The following SUN5 variants were observed in gnomAD, a reference collection of about 807,000 sequenced individuals.
SUN5 encodes the protein Sad1 and UNC84 domain containing 5.
Under a neutral mutation model 53.7 loss-of-function variants are expected in SUN5, and 44 were observed. The observed-to-expected ratio is 0.82, with a 90% CI of 0.64 to 1.05. The LOEUF (loss-of-function observed/expected upper bound fraction) is 1.05, where lower values mean the gene tolerates loss of function less well. SUN5 is among the 50% of genes least tolerant of loss of function. The pLI is 0.00. For synonymous variants in SUN5, 166 were observed against 179.8 expected, an observed-to-expected ratio of 0.92 and a Z score of 0.62; for missense variants, 433 against 483.8, an observed-to-expected ratio of 0.90 and a Z score of 0.98.
rs1289768378 is a variant in SUN5 at position 33,000,064 on chromosome 20, T to TG, written c.340+9dup. 6.2e-7 allele frequency: 1 copy of TG among 1,607,902 alleles called. No individual in the cohort carries two copies. The highest frequency in any genetic ancestry group is 1.1e-5 in the South Asian group (1 of 88,850). ...CTCCACCTGGGACTGGGCAGGGCCCTGGGACACACCGAAAGCACAGAGGAG... is the reference window on the plus strand; with the variant it reads ...CTCCACCTGGGACTGGGCAGGGCCCTGGGGACACACCGAAAGCACAGAGGAG... On this transcript the variant is annotated intron_variant, in intron 5 of 12. Transcript: ENST00000356173.
rs1442521319 is a variant in SUN5, at chr20:33,004,343, A to T, written c.-3T>A. ...GGGCTCCTTGAGGACCGTGGCATCG[A>T]TTTCCTTCTTTAGGATTGGGGATGG... is the stretch of plus-strand genomic sequence containing the variant. On this transcript the variant is annotated 5_prime_UTR_variant, in exon 1 of 13. Coordinates refer to ENST00000356173, the MANE Select transcript of SUN5 (RefSeq NM_080675.4). 2.1e-5 allele frequency: 33 copies of T among 1,557,342 alleles called. No individual in the cohort carries two copies. Among genetic ancestry groups the T allele is most frequent in the African/African-American group, 2.7e-5 (2 of 73,402 alleles).
intron 8 of SUN5, 29 bp downstream of exon 8, chr20:32,995,590 T>C (rs368259552): frequency 3.2e-6 from 5 of 1,581,734 alleles, no homozygotes; most frequent in South Asian, 2.2e-5. Context: ...AGAAATTAGA[T>C]GTTTGGGGCA....
Position 32,987,553 on chromosome 20 carries a change from C to A in SUN5, c.729+107G>T. The A allele has an allele frequency of 2.1e-5, 16 of 749,326 alleles. No individual in the cohort carries two copies. In the South Asian group the frequency reaches 2.3e-4, roughly 11 times the overall value. The allele number at this position is 749,326 out of a possible 1,614,324, so 46.4% of individuals were successfully genotyped here. ...CTCCTACCTCTAACCCCGCCCCTGC[C>A]CCCACTCCCTTTGCTCCCACCCCCT... On this transcript the variant is annotated intron_variant, in intron 10 of 12. Transcript: ENST00000356173.
At chr20:32,995,547 C>T in intron 8 of SUN5, 72 bp downstream of exon 8, 4 of 1,324,248 alleles carry the variant, frequency 3.0e-6, no homozygotes, top group Middle Eastern at 1.8e-4. Flanking sequence ...AGAAAGAACA[C>T]TTGAGGTATA....
In SUN5 at chr20:33,001,232, C is replaced by G. The variant is rs781211808; in HGVS notation, c.258G>C (p.Gln86His). The G allele has an allele frequency of 6.3e-7, 1 of 1,576,672 alleles. No individual in the cohort carries two copies. The highest frequency in any genetic ancestry group is 1.2e-5 in the South Asian group (1 of 86,148). ...CTCACCTGCACGTGTTAAACAGAAC[C>G]TGCTGGGCCTGAGTTCTCAGGGAGC... is the stretch of plus-strand genomic sequence containing the variant. The part of the protein sequence containing the change: ...FACSLRTQAQ[Q>H]VLFNTCRCKL... The change falls in exon 4 of 13, where the codon CAG (glutamine) becomes CAC (histidine). Residue 86 changes from glutamine to histidine, a missense_variant. Transcript: ENST00000356173.
intron 8 of SUN5, among the ~76,000 whole-genome samples, chr20:32,992,663 C>T (rs1383029604): frequency 6.6e-6 from 1 of 152,140 alleles, no homozygotes; most frequent in Non-Finnish European, 1.5e-5. Flanking sequence ...CACGCTATAG[C>T]CTGGGAGGAG....
intron 5 of SUN5, chr20:32,999,799 G>T (rs1310187576): frequency 2.1e-6 from 2 of 960,868 alleles, no homozygotes; most frequent in African/African-American, 3.3e-5. Flanking sequence ...CGAGGTGGGG[G>T]TGGTGGCTGG....
Position 33,004,312 on chromosome 20 carries a change from T to C in SUN5, c.29A>G (p.Asp10Gly). The C allele has an allele frequency of 6.4e-7, 1 of 1,573,914 alleles. No homozygotes were observed. The highest frequency in any genetic ancestry group is 8.6e-7 in the Non-Finnish European group (1 of 1,159,338). Residue 10 changes from aspartate (D) to glycine (G), a missense_variant, in exon 1 of 13, where the codon GAC becomes GGC. Transcript: ENST00000356173. ...CACATCTTCGAGTAGGGCGCCTGGGTCCCCAGGGCTCCTTGAGGACCGTGG... is the reference window on the plus strand; with the variant it reads ...CACATCTTCGAGTAGGGCGCCTGGGCCCCCAGGGCTCCTTGAGGACCGTGG... MPRSSRSPG[D>G]PGALLEDVAH...
At chr20:33,003,385 G>C (rs567307333) in intron 1 of SUN5, among the ~76,000 whole-genome samples, 1 of 152,080 alleles carries the variant, frequency 6.6e-6, no homozygotes, top group African/African-American at 2.4e-5. Context: ...CACAGAAAAC[G>C]ATGCTTATTC....
intron 8 of SUN5, 105 bp from the exon 9 acceptor site, chr20:32,989,803 C>T: frequency 2.2e-6 from 2 of 920,990 alleles, no homozygotes; most frequent in South Asian, 1.4e-5. Context: ...CTGTCCTCTC[C>T]CTAACAGCCC....
At chr20:32,986,245 A>G (rs1989536563) in intron 10 of SUN5, among the ~76,000 whole-genome samples, 1 of 152,108 alleles carries the variant, frequency 6.6e-6, no homozygotes, top group South Asian at 2.1e-4. Context: ...CAATCACCCC[A>G]TGACTTAGGC....
intron 3 of SUN5, 116 bp downstream of exon 3, chr20:33,002,471 C>T: frequency 3.1e-6 from 3 of 959,884 alleles, no homozygotes; most frequent in Non-Finnish European, 5.0e-6. Context: ...TGCAGCTCCC[C>T]ACCACCCCTG....
rs777969871 is a variant in SUN5 at position 33,002,970 on chromosome 20, T to C, written c.78-51A>G. ...CATTTTACAATTATGAGGAACATAG[T>C]GTCCTTGGAATGTGCATACCACGTT... On this transcript the variant is annotated intron_variant, in intron 1 of 12. Transcript: ENST00000356173. 8 of 1,604,270 alleles carry C rather than the reference T, an allele frequency of 5.0e-6. No homozygotes were observed. The South Asian group carries it at 7.8e-5, about 16-fold the overall frequency.
At position 32,997,635 on chromosome 20, in the gene SUN5, C is replaced by T; in HGVS notation, c.390+3G>A. The T allele has an allele frequency of 6.2e-7, 1 of 1,613,984 alleles. No individual in the cohort carries two copies. The highest frequency in any genetic ancestry group is 8.5e-7 in the Non-Finnish European group (1 of 1,179,978). On this transcript the variant is annotated splice_donor_region_variant and intron_variant, in intron 6 of 12. Coordinates refer to ENST00000356173, the MANE Select transcript of SUN5 (RefSeq NM_080675.4). ...GTGGGGCCTGAGGAGGGTGCACACT[C>T]ACCTGCCAGACTTTCATTTTCGATG...
chr20:33,002,858 C>T lies in SUN5; in HGVS notation c.136+3G>A, dbSNP rs923390880. 1 of 1,613,986 alleles carries T rather than the reference C, an allele frequency of 6.2e-7. No homozygotes were observed. The highest frequency in any genetic ancestry group is 1.3e-5 in the African/African-American group (1 of 74,944). On this transcript the variant is annotated splice_donor_region_variant and intron_variant, in intron 2 of 12. Coordinates refer to ENST00000356173, the MANE Select transcript of SUN5 (RefSeq NM_080675.4). ...AAATACCAGGGCACCTGTCCTTGCT[C>T]ACTCATGTTTGGGGAGGTGTCCTCT...
intron 8 of SUN5, among the ~76,000 whole-genome samples, chr20:32,993,425 T>A (rs1989757763): frequency 6.6e-6 from 1 of 152,194 alleles, no homozygotes; most frequent in South Asian, 2.1e-4. Flanking sequence ...GGCCAGACAA[T>A]GGGCTGCTGC....
intron 5 of SUN5, among the ~76,000 whole-genome samples, chr20:32,998,791 C>T (rs1003465295): frequency 6.6e-6 from 1 of 150,734 alleles, no homozygotes; most frequent in Non-Finnish European, 1.5e-5. Context: ...GGCTGAGATA[C>T]GATGGTTTGA....
rs6141862 is a variant in SUN5, at chr20:32,996,372, G to A, written c.391-14C>T. On this transcript the variant is annotated splice_polypyrimidine_tract_variant and intron_variant, in intron 6 of 12. Coordinates refer to ENST00000356173, the MANE Select transcript of SUN5 (RefSeq NM_080675.4). ...TATGCTGTCATCCTGGTGGAGTATTGAGAAAGTAAGGGGTCTCCTTCAGAT... is the reference window on the plus strand; with the variant it reads ...TATGCTGTCATCCTGGTGGAGTATTAAGAAAGTAAGGGGTCTCCTTCAGAT... 583,520 of 1,607,808 alleles carry A rather than the reference G, an allele frequency of 0.36. 113,305 individuals carry two copies. Among genetic ancestry groups the A allele is most frequent in the East Asian group, 0.77 (34,642 of 44,730 alleles).
In SUN5 at chr20:32,997,704, A is replaced by G. The variant is rs759242046; in HGVS notation, c.341-17T>C. Reference sequence around the variant, plus strand: ...TCCAGAATCCTGTGAGGCCATGAGAATAAGAATGAGCCATTTAACATGCAA... The same window carrying G: ...TCCAGAATCCTGTGAGGCCATGAGAGTAAGAATGAGCCATTTAACATGCAA... On this transcript the variant is annotated splice_polypyrimidine_tract_variant and intron_variant, in intron 5 of 12. Transcript: ENST00000356173. 1.2e-6 allele frequency: 2 copies of G among 1,613,694 alleles called. No homozygotes were observed. Among genetic ancestry groups the G allele is most frequent in the Admixed American group, 1.7e-5 (1 of 59,978 alleles).
Sources: gnomAD v4.1 joint callset for allele counts (sites outside exome capture counted in the v4.1 genomes callset) on GRCh38, gnomAD v4.1.1 for gene constraint, MANE v1.5 for transcripts, NCBI Gene and HGNC (gene_info 2026-07-23, HGNC 2026-07-21) for gene names.